The following CDH6 variants were observed in gnomAD, a reference collection of about 807,000 sequenced individuals.
CDH6 encodes cadherin-6.
Under a neutral mutation model 78.0 loss-of-function variants are expected in CDH6, and 31 were observed. That is an observed-to-expected ratio of 0.40 (90% CI 0.30 to 0.54). The LOEUF is 0.54. Ranked by LOEUF, CDH6 falls within the 20% of genes least tolerant of loss-of-function variation. CDH6 has a pLI of 0.56. For missense variants in CDH6, 724 were observed against 975.9 expected (o/e 0.74, Z 3.44); for synonymous variants, 376 against 368.8 (o/e 1.02, Z -0.23).
At chr5:31,231,242 T>G (rs967927728) in intron 1 of CDH6, among the ~76,000 whole-genome samples, 2 of 152,200 alleles carry the variant, frequency 1.3e-5, no homozygotes, top group Non-Finnish European at 2.9e-5. Context: ...TCATTGCGTA[T>G]CTCCATAGTG....
intron 8 of CDH6, 126 bp downstream of exon 8, chr5:31,313,580 C>T: frequency 1.1e-6 from 1 of 883,380 alleles, no homozygotes; most frequent in Non-Finnish European, 1.7e-6. Flanking sequence ...GGGAAAAAGC[C>T]CTGGAGTGGT....
intron 1 of CDH6, among the ~76,000 whole-genome samples, chr5:31,248,631 G>A (rs1240424270): frequency 6.6e-6 from 1 of 152,014 alleles, no homozygotes; most frequent in Non-Finnish European, 1.5e-5. Flanking sequence ...AAGTTGTACT[G>A]ATCTTTTTCT....
chr5:31,208,180 T>A (rs1184232640), intron 1 of CDH6, among the ~76,000 whole-genome samples: 1 of 152,218 alleles, frequency 6.6e-6, no homozygotes, highest in Admixed American at 6.5e-5. Context: ...AGCATGTTTA[T>A]GAGCCTGGGA....
intron 1 of CDH6, among the ~76,000 whole-genome samples, chr5:31,240,629 C>T (rs980172119): frequency 1.3e-5 from 2 of 152,160 alleles, no homozygotes; most frequent in Non-Finnish European, 2.9e-5. Context: ...TCACCAACTA[C>T]CAAGAAGAAA....
intron 1 of CDH6, among the ~76,000 whole-genome samples, chr5:31,252,785 C>T (rs192484412): frequency 3.3e-5 from 5 of 151,554 alleles, no homozygotes; most frequent in Non-Finnish European, 5.9e-5. Context: ...AAGAAGGCTG[C>T]CTTTTATGAT....
intron 1 of CDH6, among the ~76,000 whole-genome samples, chr5:31,244,309 G>T (rs1037450895): frequency 6.6e-6 from 1 of 152,156 alleles, no homozygotes; most frequent in Non-Finnish European, 1.5e-5. Context: ...GAACATAAAA[G>T]GTGGTCATAG....
At chr5:31,217,170 T>C (rs1232708338) in intron 1 of CDH6, among the ~76,000 whole-genome samples, 2 of 152,202 alleles carry the variant, frequency 1.3e-5, no homozygotes, top group Non-Finnish European at 2.9e-5. Flanking sequence ...TGTCTCTCTT[T>C]TGTTAGTAGG....
intron 1 of CDH6, among the ~76,000 whole-genome samples, chr5:31,245,382 C>A (rs956456536): frequency 3.3e-5 from 5 of 152,082 alleles, no homozygotes; most frequent in African/African-American, 4.8e-5. Context: ...TCTTCTCTTT[C>A]TTTCTCTCTC....
chr5:31,230,162 AAGAAGTTG>A (rs1372220704), intron 1 of CDH6, among the ~76,000 whole-genome samples: 1 of 152,192 alleles, frequency 6.6e-6, no homozygotes, highest in Non-Finnish European at 1.5e-5. Flanking sequence ...CACAGCAGTT[AAGAAGTTG>A]AGGGCCTCTG....
chr5:31,219,919 A>G lies in CDH6; in HGVS notation c.-129+26033A>G, dbSNP rs75475781. 5.6e-4 allele frequency among the ~76,000 whole-genome samples: 85 copies of G among 152,350 alleles called. 1 individual carries two copies. In the East Asian group the frequency reaches 0.015, roughly 27 times the overall value. ...TTCATACAATGAAGAAGACAGTTGT[A>G]TATCACATGAAAAAGTTGTTCCCCT... On this transcript the variant is annotated intron_variant, in intron 1 of 11. Coordinates refer to ENST00000265071, the MANE Select transcript of CDH6 (RefSeq NM_004932.4).
chr5:31,280,088 G>A (rs1328447221), intron 2 of CDH6, among the ~76,000 whole-genome samples: 2 of 152,068 alleles, frequency 1.3e-5, no homozygotes, highest in South Asian at 4.1e-4. Context: ...TGATAACGTG[G>A]CCATTGAAAT....
chr5:31,292,836 TATATATATATGTGTGC>T (rs1256693077), intron 2 of CDH6, among the ~76,000 whole-genome samples: 236 of 14,462 alleles, frequency 0.016, 5 homozygotes, highest in African/African-American at 0.12. Flanking sequence ...TATATATATA[TATATATATATGTGTGC>T]ATATATATAT....
rs201660363 is a variant in CDH6, at chr5:31,316,199, T to C, written c.1391-9T>C. 106 of 1,594,970 alleles carry C rather than the reference T, an allele frequency of 6.6e-5. No individual in the cohort carries two copies. Among genetic ancestry groups the C allele is most frequent in the Non-Finnish European group, 7.6e-5 (89 of 1,174,842 alleles). ...AAATGCCTTTTTCTTTCTTTTTGGT[T>C]TGTGACAGATAATCCAAAGCAAAGT... On this transcript the variant is annotated splice_polypyrimidine_tract_variant and intron_variant, in intron 8 of 11. Transcript: ENST00000265071.
At chr5:31,205,094 A>G (rs1740479008) in intron 1 of CDH6, among the ~76,000 whole-genome samples, 1 of 152,224 alleles carries the variant, frequency 6.6e-6, no homozygotes, top group African/African-American at 2.4e-5. Context: ...TGCCAACTCA[A>G]GATGAGAGTT....
chr5:31,301,116 C>T lies in CDH6; in HGVS notation c.812-995C>T, dbSNP rs191691426. On this transcript the variant is annotated intron_variant, in intron 5 of 11. Transcript: ENST00000265071. The stretch of plus-strand genomic sequence containing the variant: ...CCAGCCTGAGCAACAGGAGGAAATC[C>T]TGTCCAAAAAAAATGCTCTTTTTGA... 1.8e-3 allele frequency among the ~76,000 whole-genome samples: 271 copies of T among 149,470 alleles called. 3 individuals carry two copies. Among genetic ancestry groups the T allele is most frequent in the African/African-American group, 6.5e-3 (252 of 38,962 alleles).
intron 1 of CDH6, among the ~76,000 whole-genome samples, chr5:31,207,793 G>A (rs1459181468): frequency 6.6e-6 from 1 of 152,136 alleles, no homozygotes; most frequent in Non-Finnish European, 1.5e-5. Flanking sequence ...TGATTTCTTT[G>A]GATACATCGA....
intron 1 of CDH6, among the ~76,000 whole-genome samples, chr5:31,207,086 T>C (rs1336270152): frequency 6.6e-6 from 1 of 152,140 alleles, no homozygotes; most frequent in African/African-American, 2.4e-5. Context: ...AAATTTAGGA[T>C]TGAGGTGATA....
At chr5:31,292,802 TGC>T (rs1311546517) in intron 2 of CDH6, among the ~76,000 whole-genome samples, 72 of 146,620 alleles carry the variant, frequency 4.9e-4, no homozygotes, top group African/African-American at 1.8e-3. Context: ...TATATGTGTG[TGC>T]ATATATATAT....
chr5:31,223,617 T>G (rs972809845), intron 1 of CDH6, among the ~76,000 whole-genome samples: 4 of 152,226 alleles, frequency 2.6e-5, no homozygotes, highest in African/African-American at 7.2e-5. Context: ...TGATTTGTCT[T>G]TTGTTAATTT....
Sources: allele counts gnomAD v4.1 joint callset (sites outside exome capture counted in the v4.1 genomes callset), GRCh38; gene constraint gnomAD v4.1.1; transcripts MANE v1.5; gene names NCBI Gene and HGNC (gene_info 2026-07-23, HGNC 2026-07-21).